Variants in ZSCAN30 observed in about 807,000 individuals in gnomAD.
The protein encoded by ZSCAN30 is zinc finger and SCAN domain-containing protein 30.
Under a neutral mutation model 44.3 loss-of-function variants are expected in ZSCAN30, and 37 were observed. The observed-to-expected ratio is 0.84, with a 90% CI of 0.64 to 1.10. The LOEUF is 1.10. Among genes scored for constraint, ZSCAN30 ranks in the 50% least tolerant of loss-of-function variants. The pLI, the probability that ZSCAN30 is intolerant of heterozygous loss-of-function variation, is 0.00. For missense variants in ZSCAN30, 549 were observed against 582.6 expected (o/e 0.94, Z 0.59); for synonymous variants, 181 against 204.6 (o/e 0.88, Z 0.98).
chr18:35,288,047 A>T (rs1428867302), intron 1 of ZSCAN30, among the ~76,000 whole-genome samples: 14 of 151,966 alleles, frequency 9.2e-5, no homozygotes, highest in African/African-American at 3.4e-4. Context: ...AATTTTTTGT[A>T]TTCTGGGTGG....
intron 1 of ZSCAN30, among the ~76,000 whole-genome samples, chr18:35,271,066 A>C (rs2044262638): frequency 6.6e-6 from 1 of 152,146 alleles, no homozygotes; most frequent in Admixed American, 6.5e-5. Context: ...CTTCACAGTG[A>C]GTGTTACAGC....
chr18:35,256,664 CAA>C (rs2043831445), intron 3 of ZSCAN30, among the ~76,000 whole-genome samples: 1 of 152,156 alleles, frequency 6.6e-6, no homozygotes, highest in Non-Finnish European at 1.5e-5. Context: ...TAATCAGGCT[CAA>C]GTCTGGAGGC....
intron 1 of ZSCAN30, among the ~76,000 whole-genome samples, chr18:35,275,177 T>G (rs547158179): frequency 6.6e-6 from 1 of 152,226 alleles, no homozygotes; most frequent in Non-Finnish European, 1.5e-5. Flanking sequence ...CTTACTGAAT[T>G]GTCCTTCTTA....
At chr18:35,285,777 C>T (rs530192791) in intron 1 of ZSCAN30, among the ~76,000 whole-genome samples, 6 of 151,626 alleles carry the variant, frequency 4.0e-5, no homozygotes, top group Admixed American at 1.3e-4. Context: ...AAATCAGAGG[C>T]CTCAACTTCC....
At chr18:35,271,269 G>A (rs757719352) in intron 1 of ZSCAN30, among the ~76,000 whole-genome samples, 110 of 152,142 alleles carry the variant, frequency 7.2e-4, no homozygotes, top group Non-Finnish European at 1.2e-3. Context: ...TGATTGGTCC[G>A]TTTTATAGAG....
chr18:35,287,268 C>G (rs1406469754), intron 1 of ZSCAN30, among the ~76,000 whole-genome samples: 1 of 152,086 alleles, frequency 6.6e-6, no homozygotes, highest in East Asian at 1.9e-4. Context: ...TCAATCCAAT[C>G]CCAATCAAAA....
rs2043641277 is a variant in ZSCAN30 at position 35,252,686 on chromosome 18, A to G, written c.*764T>C. 6.6e-6 allele frequency: 1 copy of G among 152,162 alleles called. No individual in the cohort carries two copies. Among genetic ancestry groups the G allele is most frequent in the Admixed American group, 6.6e-5 (1 of 15,266 alleles). The allele number at this position is 152,162 out of a possible 1,614,324, so 9.4% of individuals were successfully genotyped here. A position where few individuals can be genotyped will look rare whatever the true frequency, so the allele number is the denominator to read the frequency against. On this transcript the variant is annotated 3_prime_UTR_variant, in exon 4 of 4. Transcript: ENST00000333206. ...TAGACCAGATTTAGGTATCCCTGCC[A>G]TGTACTTTGATGGAAACCCGCATTT...
chr18:35,276,965 G>C (rs1010931412), intron 1 of ZSCAN30, among the ~76,000 whole-genome samples: 1 of 152,192 alleles, frequency 6.6e-6, no homozygotes, highest in Non-Finnish European at 1.5e-5. Flanking sequence ...AAAGCCACAG[G>C]GGCAGAGCTG....
intron 2 of ZSCAN30, 34 bp downstream of exon 2, chr18:35,263,911 A>G (rs1340595597): frequency 2.5e-6 from 4 of 1,597,068 alleles, no homozygotes; most frequent in Admixed American, 1.7e-5. Context: ...TTAACTTACA[A>G]TAGATCAAAC....
chr18:35,273,433 T>C (rs1349590160), intron 1 of ZSCAN30, among the ~76,000 whole-genome samples: 1 of 152,272 alleles, frequency 6.6e-6, no homozygotes, highest in Non-Finnish European at 1.5e-5. Flanking sequence ...ATTTTATTTA[T>C]CCATTCATCT....
intron 1 of ZSCAN30, chr18:35,282,292 TTCCTCTTTTGGG>T (rs1479048417): frequency 6.6e-6 from 1 of 152,246 alleles, no homozygotes; most frequent in Non-Finnish European, 1.5e-5. Context: ...AAAGACTATT[TTCCTCTTTTGGG>T]AAATGGTTAG....
intron 1 of ZSCAN30, among the ~76,000 whole-genome samples, chr18:35,272,634 C>T (rs1378736578): frequency 3.9e-5 from 6 of 152,222 alleles, no homozygotes; most frequent in South Asian, 2.1e-4. Flanking sequence ...CATGAGCCTC[C>T]GTGCCCGGCC....
At chr18:35,273,326 T>C (rs1322767459) in intron 1 of ZSCAN30, among the ~76,000 whole-genome samples, 1 of 152,230 alleles carries the variant, frequency 6.6e-6, no homozygotes, top group East Asian at 1.9e-4. Flanking sequence ...CTTATTTTAC[T>C]TAACATAATG....
chr18:35,271,919 C>T (rs1014947818), intron 1 of ZSCAN30, among the ~76,000 whole-genome samples: 6 of 152,098 alleles, frequency 3.9e-5, no homozygotes, highest in East Asian at 3.9e-4. Flanking sequence ...CTGGGGCCGG[C>T]GGCGCTGGCC....
intron 3 of ZSCAN30, chr18:35,259,021 G>A (rs543816468): frequency 1.9e-5 from 3 of 154,128 alleles, no homozygotes; most frequent in Middle Eastern, 5.3e-4. Context: ...ATGGACATAA[G>A]GAAGAATTTT....
chr18:35,258,280 G>T, intron 3 of ZSCAN30: 1 of 376,024 alleles, frequency 2.7e-6, no homozygotes, highest in Middle Eastern at 7.8e-4. Context: ...AGTAAATTTT[G>T]CTAAGTCCAA....
Position 35,253,407 on chromosome 18 carries a change from G to A in ZSCAN30, c.*43C>T, listed in dbSNP as rs755764311. On this transcript the variant is annotated 3_prime_UTR_variant, in exon 4 of 4. Coordinates refer to ENST00000333206, the MANE Select transcript of ZSCAN30 (RefSeq NM_001112734.4). ...TTCTGTGGAGTCTCACCCCTACAGT[G>A]AACTCCTTGCATTTCACAATTGTAC... 6.7e-7 allele frequency: 1 copy of A among 1,497,248 alleles called. No individual in the cohort carries two copies. The highest frequency in any genetic ancestry group is 2.3e-5 in the East Asian group (1 of 43,938). 92.7% of individuals were successfully genotyped at this position (1,497,248 alleles called of 1,614,324 possible).
chr18:35,280,087 G>C (rs2143767027), intron 1 of ZSCAN30, among the ~76,000 whole-genome samples: 1 of 152,116 alleles, frequency 6.6e-6, no homozygotes, highest in South Asian at 2.1e-4. Context: ...ACCAGCCTGG[G>C]CAACATAGTA....
intron 1 of ZSCAN30, chr18:35,270,246 T>A (rs1322283364): frequency 4.9e-5 from 3 of 61,280 alleles, no homozygotes; most frequent in Non-Finnish European, 1.4e-4. Flanking sequence ...GTATATGGGA[T>A]CTCTCTGTAC....
Sources: gnomAD v4.1 joint callset for allele counts (sites outside exome capture counted in the v4.1 genomes callset) on GRCh38, gnomAD v4.1.1 for gene constraint, MANE v1.5 for transcripts, NCBI Gene and HGNC (gene_info 2026-07-23, HGNC 2026-07-21) for gene names.